USP6: variants seen among roughly 807,000 people sequenced by gnomAD.
The protein encoded by USP6 is ubiquitin specific peptidase 6.
USP6 carries 128 observed loss-of-function variants against 175.7 expected under a neutral mutation model. The observed-to-expected ratio is 0.73, with a 90% CI of 0.63 to 0.84. USP6 has a LOEUF of 0.84. USP6 is among the 40% of genes least tolerant of loss of function. The probability of loss-of-function intolerance (pLI) is 0.00; values close to 1 mark genes in which losing one functional copy is unlikely to be tolerated. For missense variants in USP6, 1,498 were observed against 1,760.3 expected (o/e 0.85, Z 2.67); for synonymous variants, 562 against 630.6 (o/e 0.89, Z 1.63).
At chr17:5,135,421 C>T (rs555520018) in intron 16 of USP6, 139 bp downstream of exon 16, 148 of 1,219,464 alleles carry the variant, frequency 1.2e-4, no homozygotes, top group East Asian at 8.2e-4. Flanking sequence ...TCTAGGTCAC[C>T]GCTGGCATAA....
At chr17:5,142,916 C>T (rs904433322) in intron 25 of USP6, among the ~76,000 whole-genome samples, 15 of 152,178 alleles carry the variant, frequency 9.9e-5, no homozygotes, top group Admixed American at 9.8e-4. Flanking sequence ...GTAGGCTGGG[C>T]GCAGGGGCTC....
chr17:5,159,068 T>G (rs770077400), intron 31 of USP6, among the ~76,000 whole-genome samples: 9 of 152,202 alleles, frequency 5.9e-5, no homozygotes, highest in Non-Finnish European at 1.2e-4. Flanking sequence ...AAATTTGAAA[T>G]TTTAGATTAA....
At chr17:5,127,877 A>G (rs573377051) in intron 7 of USP6, among the ~76,000 whole-genome samples, 1 of 152,340 alleles carries the variant, frequency 6.6e-6, no homozygotes, top group South Asian at 2.1e-4. Flanking sequence ...GACAAGAACA[A>G]CGTCTGCACA....
chr17:5,148,616 C>G lies in USP6; in HGVS notation c.2492C>G (p.Pro831Arg), dbSNP rs777795086. Residue 831 changes from proline to arginine, a missense_variant, in exon 30 of 38, where the codon CCC (proline) becomes CGC (arginine). Transcript: ENST00000574788. ...ACCCTAACTACCAATGGGGACCTAC[C>G]CAAACCAATATTCATCCCCAATGGA... ...MFTLTTNGDL[P>R]KPIFIPNGMP... 1.7e-5 allele frequency: 28 copies of G among 1,613,878 alleles called. No homozygotes were observed. The highest frequency in any genetic ancestry group is 2.1e-5 in the Non-Finnish European group (25 of 1,179,858).
Position 5,171,687 on chromosome 17 carries a change from T to G in USP6, c.4047+8T>G. 3 of 1,612,496 alleles carry G rather than the reference T, an allele frequency of 1.9e-6. No individual in the cohort carries two copies. The highest frequency in any genetic ancestry group is 2.5e-6 in the Non-Finnish European group (3 of 1,179,130). On this transcript the variant is annotated splice_region_variant and intron_variant, in intron 37 of 37. Coordinates refer to ENST00000574788, the MANE Select transcript of USP6 (RefSeq NM_001304284.2). ...AATGACAGCAGCTGTGAGGTAAACA[T>G]TCTCAATCTTTGAATGAAAGTTAGA...
Position 5,147,093 on chromosome 17 carries a change from A to G in USP6, c.2330A>G (p.Gln777Arg), listed in dbSNP as rs746055208. The G allele has an allele frequency of 4.3e-6, 7 of 1,612,364 alleles. No individual in the cohort carries two copies. The East Asian group carries it at 8.9e-5, about 21-fold the overall frequency. ...VHDSNIKNFP[Q>R]DNQKVQLSVS... ...CTGCTGTTTCTGTAGAACTTTCCTC[A>G]GGATAACCAAAAAGTACAACTCTCA... The change falls in exon 29 of 38, where the codon CAG becomes CGG. Residue 777 changes from glutamine to arginine, a missense_variant. Physicochemically the swap from Gln to Arg is conservative, Grantham distance 43. Transcript: ENST00000574788.
intron 14 of USP6, 89 bp downstream of exon 14, chr17:5,133,639 T>TGGGGGGG: frequency 2.4e-6 from 1 of 411,318 alleles, no homozygotes. Flanking sequence ...CACCCTGGGG[T>TGGGGGGG]GGGGGGGTGG....
rs141578960 is a variant in USP6 at position 5,130,416 on chromosome 17, G to A, written c.49G>A (p.Asp17Asn). Residue 17 changes from aspartate to asparagine, a missense_variant, in exon 10 of 38, where the codon GAC (aspartate) becomes AAC (asparagine). By Grantham distance (23) the Asp-to-Asn change is conservative. This residue lies in a region of USP6 where 281 missense variants were observed against 259.6 expected (regional missense o/e 1.08). Transcript: ENST00000574788. ...ADSLQAQERK[D>N]ILMKYDKGHR... Reference sequence around the variant, plus strand: ...TAGTTTGCAGGCACAGGAGCGGAAGGACATACTTATGAAGTATGACAAGGT... The same window carrying A: ...TAGTTTGCAGGCACAGGAGCGGAAGAACATACTTATGAAGTATGACAAGGT... 3.7e-6 allele frequency: 6 copies of A among 1,614,142 alleles called. No individual in the cohort carries two copies. The highest frequency in any genetic ancestry group is 5.1e-6 in the Non-Finnish European group (6 of 1,180,030).
chr17:5,146,293 A>G, intron 28 of USP6, 119 bp downstream of exon 28: 3 of 1,354,774 alleles, frequency 2.2e-6, no homozygotes, highest in Non-Finnish European at 2.9e-6. Flanking sequence ...CATAACGAAA[A>G]CTGAACAACA....
rs58062247 is a variant in USP6, at chr17:5,130,791, C to T, written c.155+107C>T. 0.012 allele frequency: 17,465 copies of T among 1,398,510 alleles called. 1,660 individuals carry two copies. In the African/African-American group the frequency reaches 0.21, roughly 17 times the overall value. 86.6% of individuals were successfully genotyped at this position (1,398,510 alleles called of 1,614,324 possible). A position where few individuals can be genotyped will look rare whatever the true frequency, so the allele number is the denominator to read the frequency against. On this transcript the variant is annotated intron_variant, in intron 11 of 37. Transcript: ENST00000574788. ...TGATGCAGGACATGTCTCGCTAGGTCGGGCCAACCTCTTTTCCAGGGTCAG... is the reference window on the plus strand; with the variant it reads ...TGATGCAGGACATGTCTCGCTAGGTTGGGCCAACCTCTTTTCCAGGGTCAG...
intron 30 of USP6, among the ~76,000 whole-genome samples, chr17:5,154,440 T>G (rs1320379457): frequency 1.3e-5 from 2 of 152,228 alleles, no homozygotes; most frequent in African/African-American, 4.8e-5. Context: ...TCCAGGATAA[T>G]TCTGTGCAGT....
intron 33 of USP6, among the ~76,000 whole-genome samples, chr17:5,163,297 G>A (rs2074040262): frequency 6.6e-6 from 1 of 152,206 alleles, no homozygotes; most frequent in Non-Finnish European, 1.5e-5. Flanking sequence ...CTATTCGGCA[G>A]CCTGGGAAGT....
At chr17:5,166,324 C>T (rs1340994286) in intron 33 of USP6, among the ~76,000 whole-genome samples, 3 of 152,128 alleles carry the variant, frequency 2.0e-5, no homozygotes, top group Non-Finnish European at 4.4e-5. Flanking sequence ...GTGCTAGAAC[C>T]GTAACTGCAT....
At position 5,139,635 on chromosome 17, in the gene USP6, C is replaced by T. The variant is rs1482385464; in HGVS notation, c.1459C>T (p.Gln487Ter). 1 of 1,612,588 alleles carries T rather than the reference C, an allele frequency of 6.2e-7. No homozygotes were observed. The highest frequency in any genetic ancestry group is 8.5e-7 in the Non-Finnish European group (1 of 1,180,020). ...CWVRAISQED[Q>*]LATCWQAEHC... is the part of the protein sequence containing the mutation. ...GGTCCGTGCCATATCCCAGGAGGAC[C>T]AGCTGGCCACCTGCTGGCAGGCTGA... The change falls in exon 22 of 38, where the codon CAG (glutamine) becomes TAG (stop). Residue 487 changes from glutamine (Q) to a stop codon, truncating the protein, a stop_gained. Coordinates refer to ENST00000574788, the MANE Select transcript of USP6 (RefSeq NM_001304284.2). LOFTEE classifies it high-confidence loss of function.
chr17:5,137,138 C>T lies in USP6; in HGVS notation c.777C>T (p.Cys259=), dbSNP rs761821198. ...TMWHQDKEGL[C]GQCASLGCLL... is the part of the protein sequence containing the mutation. ...CCCATCAGGACAAGGAAGGTCTATG[C>T]GGGCAGTGTGCCTCGTTAGGCTGCC... Residue 259 remains cysteine, a synonymous_variant, in exon 19 of 38, where the codon TGC becomes TGT. Coordinates refer to ENST00000574788, the MANE Select transcript of USP6 (RefSeq NM_001304284.2). The T allele has an allele frequency of 1.5e-5, 24 of 1,613,184 alleles. No individual in the cohort carries two copies. The highest frequency in any genetic ancestry group is 4.4e-5 in the South Asian group (4 of 91,074).
At chr17:5,157,288 G>C (rs1214149995) in intron 31 of USP6, among the ~76,000 whole-genome samples, 2 of 152,072 alleles carry the variant, frequency 1.3e-5, no homozygotes, top group African/African-American at 4.8e-5. Flanking sequence ...GTTTCACCAG[G>C]TTGGCCAGGC....
rs759439395 is a variant in USP6 at position 5,142,418 on chromosome 17, G to A, written c.1734G>A (p.Lys578=). The A allele has an allele frequency of 1.2e-6, 2 of 1,613,862 alleles. No individual in the cohort carries two copies. Among genetic ancestry groups the A allele is most frequent in the East Asian group, 4.5e-5 (2 of 44,874 alleles). ...CTAGGACAAATCCCATTGGTATGAA[G>A]GGGCATATGGCTAAATGCTATGGTG... ...ELNRTNPIGM[K]GHMAKCYGDL... The change falls in exon 25 of 38, where the codon AAG becomes AAA. Residue 578 remains lysine, a synonymous_variant. Transcript: ENST00000574788.
At chr17:5,125,591 A>G (rs2072859079) in intron 5 of USP6, among the ~76,000 whole-genome samples, 1 of 152,028 alleles carries the variant, frequency 6.6e-6, no homozygotes, top group Admixed American at 6.6e-5. Flanking sequence ...TCTATCAGAA[A>G]GACTTACAGC....
chr17:5,125,672 GCACATGCA>G (rs1315573914), intron 5 of USP6, 141 bp from the exon 6 acceptor site: 2 of 24,300 alleles, frequency 8.2e-5, no homozygotes, highest in African/African-American at 2.0e-4. Context: ...GCACACACAC[GCACATGCA>G]CACACACACA....
Sources: gnomAD v4.1 joint callset for allele counts (sites outside exome capture counted in the v4.1 genomes callset) on GRCh38, gnomAD v4.1.1 for gene constraint, gnomAD v4.1.1 regional missense constraint, MANE v1.5 for transcripts, NCBI Gene and HGNC (gene_info 2026-07-23, HGNC 2026-07-21) for gene names.